The following TPRG1 variants were observed in gnomAD, a reference collection of about 807,000 sequenced individuals.
TPRG1 encodes the protein tumor protein p63-regulated gene 1 protein.
A neutral mutation model predicts 29.3 loss-of-function variants in TPRG1; 29 were observed. The observed-to-expected ratio is 0.99, with a 90% CI of 0.74 to 1.35. The LOEUF (loss-of-function observed/expected upper bound fraction) is 1.35, where lower values mean the gene tolerates loss of function less well. TPRG1 is among the 40% of genes most tolerant of loss of function. The probability of loss-of-function intolerance (pLI) is 0.00; values close to 1 mark genes in which losing one functional copy is unlikely to be tolerated. For missense variants in TPRG1, 327 were observed against 335.0 expected, an observed-to-expected ratio of 0.98 and a Z score of 0.19; for synonymous variants, 130 against 116.8, an observed-to-expected ratio of 1.11 and a Z score of -0.73.
chr3:189,124,556 G>GTGTGTGTATA (rs1459383452), intron 1 of TPRG1, among the ~76,000 whole-genome samples: 1 of 150,462 alleles, frequency 6.6e-6, no homozygotes, highest in East Asian at 2.0e-4. Context: ...GTGTGTGTGT[G>GTGTGTGTATA]TATATATATA....
At chr3:189,296,062 A>T (rs1719867723) in intron 4 of TPRG1, among the ~76,000 whole-genome samples, 1 of 152,172 alleles carries the variant, frequency 6.6e-6, no homozygotes, top group African/African-American at 2.4e-5. Context: ...ACACTTCATG[A>T]TGAGTTGGTA....
In TPRG1 at chr3:189,310,484, C is replaced by T; in HGVS notation, c.578C>T (p.Thr193Ile). The change falls in exon 5 of 6, where the codon ACT becomes ATT. Residue 193 changes from threonine (T) to isoleucine (I), a missense_variant. Thr to Ile is a moderately conservative substitution (Grantham distance 89). Transcript: ENST00000345063. ...NPWSTEVPYATFTEHPMKYTS... is the reference protein window; with the variant it reads ...NPWSTEVPYAIFTEHPMKYTS... Reference sequence around the variant, plus strand: ...TGGTCCACTGAAGTTCCTTATGCTACTTTCACTGAGCATCCTATGAAATAC... The same window carrying T: ...TGGTCCACTGAAGTTCCTTATGCTATTTTCACTGAGCATCCTATGAAATAC... The T allele has an allele frequency of 6.2e-7, 1 of 1,612,728 alleles. No individual in the cohort carries two copies. The highest frequency in any genetic ancestry group is 1.7e-5 in the Admixed American group (1 of 59,984).
exon 5 of TPRG1, chr3:189,150,747 T>A (rs1725841191): frequency 6.6e-6 from 1 of 152,194 alleles, no homozygotes; most frequent in South Asian, 2.1e-4. Flanking sequence ...TCTGGAATCA[T>A]TTTGAATAAA....
At chr3:189,128,222 C>A (rs1578449798) in intron 2 of TPRG1, among the ~76,000 whole-genome samples, 3 of 152,104 alleles carry the variant, frequency 2.0e-5, no homozygotes, top group South Asian at 4.1e-4. Context: ...GATAGATGAA[C>A]CTTTGTGCAG....
intron 4 of TPRG1, among the ~76,000 whole-genome samples, chr3:189,254,324 T>C (rs1258941088): frequency 6.6e-6 from 1 of 152,244 alleles, no homozygotes; most frequent in Non-Finnish European, 1.5e-5. Context: ...AAAGATTAGA[T>C]GGCTGTAGAT....
At chr3:189,116,363 G>A (rs1479016021) in intron 1 of TPRG1, among the ~76,000 whole-genome samples, 1 of 152,092 alleles carries the variant, frequency 6.6e-6, no homozygotes, top group Non-Finnish European at 1.5e-5. Context: ...ATTTTTAGTA[G>A]AGTTGAGGTT....
At chr3:189,187,438 C>G (rs996969918) in intron 1 of TPRG1, among the ~76,000 whole-genome samples, 1 of 151,910 alleles carries the variant, frequency 6.6e-6, no homozygotes, top group African/African-American at 2.4e-5. Flanking sequence ...TCCTGAGTAC[C>G]TGGGATTACA....
chr3:189,261,041 G>A (rs1038012425), intron 4 of TPRG1, among the ~76,000 whole-genome samples: 3 of 152,146 alleles, frequency 2.0e-5, no homozygotes, highest in African/African-American at 7.2e-5. Flanking sequence ...ACTGTTATAA[G>A]TGTGGTTCTG....
intron 4 of TPRG1, among the ~76,000 whole-genome samples, chr3:189,078,800 C>T (rs1717395005): frequency 6.6e-6 from 1 of 152,164 alleles, no homozygotes; most frequent in Non-Finnish European, 1.5e-5. Context: ...GTTTCTGAGT[C>T]TATGTCTTTA....
intron 4 of TPRG1, among the ~76,000 whole-genome samples, chr3:189,296,657 C>T (rs1259139004): frequency 6.6e-6 from 1 of 152,100 alleles, no homozygotes; most frequent in Non-Finnish European, 1.5e-5. Context: ...AGAACATGTT[C>T]AGAAGAAGGC....
chr3:189,076,406 C>G (rs1456184811), intron 4 of TPRG1, among the ~76,000 whole-genome samples: 1 of 152,102 alleles, frequency 6.6e-6, no homozygotes, highest in Admixed American at 6.5e-5. Flanking sequence ...TAGATGGGCT[C>G]TAAGTTCCCT....
intron 1 of TPRG1, among the ~76,000 whole-genome samples, chr3:189,110,053 T>C (rs562418069): frequency 2.0e-5 from 3 of 152,326 alleles, no homozygotes; most frequent in African/African-American, 7.2e-5. Context: ...GCTTTTGTGG[T>C]TGCAAATAAA....
At chr3:189,142,939 G>A (rs977087286) in intron 3 of TPRG1, among the ~76,000 whole-genome samples, 4 of 152,144 alleles carry the variant, frequency 2.6e-5, no homozygotes, top group African/African-American at 9.7e-5. Flanking sequence ...CTTTAATGTG[G>A]CAATGATTTT....
chr3:189,021,688 G>T (rs944916512), intron 3 of TPRG1, among the ~76,000 whole-genome samples: 2 of 152,052 alleles, frequency 1.3e-5, no homozygotes, highest in Non-Finnish European at 2.9e-5. Flanking sequence ...TTCAACTTTG[G>T]TGAATCTGAC....
chr3:189,178,023 C>A (rs541866083), intron 1 of TPRG1, among the ~76,000 whole-genome samples: 1 of 152,210 alleles, frequency 6.6e-6, no homozygotes, highest in Non-Finnish European at 1.5e-5. Context: ...GGTACAGATG[C>A]TGCTGAGAGG....
chr3:189,059,146 A>G (rs1210544761), intron 4 of TPRG1, among the ~76,000 whole-genome samples: 1 of 152,200 alleles, frequency 6.6e-6, no homozygotes, highest in African/African-American at 2.4e-5. Context: ...AAATAATAAT[A>G]TCTAATTCAT....
At chr3:189,170,235 C>T (rs2108657379), upstream of TPRG1, among the ~76,000 whole-genome samples, 1 of 152,212 alleles carries the variant, frequency 6.6e-6, no homozygotes, top group East Asian at 1.9e-4. Flanking sequence ...TTTCTAATTG[C>T]CCTGTAGTTT....
intron 4 of TPRG1, among the ~76,000 whole-genome samples, chr3:189,085,143 A>G (rs1717846187): frequency 6.6e-6 from 1 of 152,172 alleles, no homozygotes; most frequent in South Asian, 2.1e-4. Flanking sequence ...CCTTGACTCT[A>G]AAAACAAAAC....
intron 4 of TPRG1, among the ~76,000 whole-genome samples, chr3:189,260,311 G>T (rs1280526308): frequency 6.6e-6 from 1 of 152,156 alleles, no homozygotes; most frequent in Non-Finnish European, 1.5e-5. Flanking sequence ...AAAGACCTTG[G>T]TTTAGGATTC....
Sources: allele counts gnomAD v4.1 joint callset (sites outside exome capture counted in the v4.1 genomes callset), GRCh38; gene constraint gnomAD v4.1.1; transcripts MANE v1.5; gene names NCBI Gene and HGNC (gene_info 2026-07-23, HGNC 2026-07-21).